The following ZNF730 variants were observed in gnomAD, a reference collection of about 807,000 sequenced individuals.
The protein encoded by ZNF730 is zinc finger protein 730.
In ZNF730, 12 loss-of-function variants were observed where a neutral mutation model predicts 12.6. The observed-to-expected ratio is 0.95, with a 90% CI of 0.61 to 1.54. The LOEUF (loss-of-function observed/expected upper bound fraction) is 1.54. Ranked by LOEUF, ZNF730 falls within the 40% of genes most tolerant of loss-of-function variation. ZNF730 has a pLI of 0.00. For missense variants in ZNF730, 643 were observed against 583.5 expected, an observed-to-expected ratio of 1.10 and a Z score of -1.05; for synonymous variants, 194 against 195.8, an observed-to-expected ratio of 0.99 and a Z score of 0.08.
At chr19:23,088,926 G>A (rs1970110488) in intron 1 of ZNF730, among the ~76,000 whole-genome samples, 1 of 152,114 alleles carries the variant, frequency 6.6e-6, no homozygotes. Flanking sequence ...AGGCTGGAGT[G>A]CAGTGGTGCG....
At chr19:23,084,018 T>G (rs1355056632) in intron 1 of ZNF730, among the ~76,000 whole-genome samples, 1 of 152,214 alleles carries the variant, frequency 6.6e-6, no homozygotes, top group Non-Finnish European at 1.5e-5. Context: ...AAAACATTTT[T>G]TCTATGTTTC....
chr19:23,082,348 GA>G (rs1969979266), intron 1 of ZNF730, among the ~76,000 whole-genome samples: 1 of 148,172 alleles, frequency 6.7e-6, no homozygotes, highest in African/African-American at 2.5e-5. Context: ...GCAAATAGCA[GA>G]ATTTTTTTTT....
At chr19:23,132,722 T>C (rs931773743) in intron 1 of ZNF730, among the ~76,000 whole-genome samples, 1 of 152,196 alleles carries the variant, frequency 6.6e-6, no homozygotes, top group African/African-American at 2.4e-5. Context: ...CCATCAGCTC[T>C]ATGTAGAGAA....
intron 1 of ZNF730, among the ~76,000 whole-genome samples, chr19:23,121,310 A>C (rs902880862): frequency 6.6e-6 from 1 of 151,014 alleles, no homozygotes; most frequent in Non-Finnish European, 1.5e-5. Flanking sequence ...GTCAGAATCT[A>C]AATCTCTTCA....
intron 1 of ZNF730, among the ~76,000 whole-genome samples, chr19:23,097,714 C>T (rs567174625): frequency 6.6e-6 from 1 of 152,294 alleles, no homozygotes; most frequent in Non-Finnish European, 1.5e-5. Flanking sequence ...TCTTCTTTTG[C>T]CTGGGCCCTT....
intron 3 of ZNF730, among the ~76,000 whole-genome samples, chr19:23,137,817 G>A (rs1036372032): frequency 6.6e-6 from 1 of 152,050 alleles, no homozygotes; most frequent in African/African-American, 2.4e-5. Flanking sequence ...GGTCTTCACT[G>A]GGGTCCAACT....
At chr19:23,119,270 C>T (rs1392491528) in intron 1 of ZNF730, among the ~76,000 whole-genome samples, 1 of 152,152 alleles carries the variant, frequency 6.6e-6, no homozygotes, top group African/African-American at 2.4e-5. Context: ...TTATTGAAAA[C>T]TTTTTCTGTA....
intron 3 of ZNF730, 64 bp from the exon 4 acceptor site, chr19:23,145,207 G>T: frequency 9.8e-6 from 11 of 1,125,730 alleles, no homozygotes; most frequent in Non-Finnish European, 1.3e-5. Context: ...AACTTTATAG[G>T]TTAGGTTTAT....
chr19:23,124,525 T>C (rs1423570100), intron 1 of ZNF730, among the ~76,000 whole-genome samples: 1 of 152,208 alleles, frequency 6.6e-6, no homozygotes, highest in Non-Finnish European at 1.5e-5. Context: ...TGGCTTATCA[T>C]TGGGCAATCA....
chr19:23,116,573 C>CTTTT (rs5827552), upstream of ZNF730, among the ~76,000 whole-genome samples: 25 of 86,892 alleles, frequency 2.9e-4, no homozygotes, highest in African/African-American at 6.3e-4. Context: ...CTCCCAGCTA[C>CTTTT]TTTTTTTTTT....
At chr19:23,096,290 A>G (rs1275742747) in intron 1 of ZNF730, among the ~76,000 whole-genome samples, 1 of 152,112 alleles carries the variant, frequency 6.6e-6, no homozygotes, top group Non-Finnish European at 1.5e-5. Flanking sequence ...ATACCACTCT[A>G]TCAAGAACCT....
Position 23,146,709 on chromosome 19 carries a change from T to G in ZNF730, c.*153T>G. 7.1e-7 allele frequency: 1 copy of G among 1,406,538 alleles called. No individual in the cohort carries two copies. Among genetic ancestry groups the G allele is most frequent in the South Asian group, 1.2e-5 (1 of 86,474 alleles). The allele number at this position is 1,406,538 out of a possible 1,614,324, so 87.1% of individuals were successfully genotyped here. ...TTACTAAACATAAGGTAATTCATAC[T>G]GGAGAAAAACCTACAAATGTGAAGA... On this transcript the variant is annotated 3_prime_UTR_variant, in exon 4 of 4. Transcript: ENST00000597761.
At chr19:23,102,982 C>G (rs1219782514) in intron 1 of ZNF730, among the ~76,000 whole-genome samples, 1 of 152,146 alleles carries the variant, frequency 6.6e-6, no homozygotes, top group Non-Finnish European at 1.5e-5. Context: ...GCGTTCAGAA[C>G]ACAGGTGAGA....
chr19:23,076,013 G>A (rs1599559162), intron 1 of ZNF730, among the ~76,000 whole-genome samples: 1 of 151,962 alleles, frequency 6.6e-6, no homozygotes, highest in Admixed American at 6.6e-5. Context: ...CTCCACAGAG[G>A]ACTCGTTTTC....
chr19:23,128,733 G>T (rs1359914223), intron 1 of ZNF730, among the ~76,000 whole-genome samples: 1 of 152,196 alleles, frequency 6.6e-6, no homozygotes, highest in Non-Finnish European at 1.5e-5. Context: ...CAATGCAATA[G>T]AATAGAAAAC....
chr19:23,125,015 A>G (rs1970644760), intron 1 of ZNF730, among the ~76,000 whole-genome samples: 1 of 152,166 alleles, frequency 6.6e-6, no homozygotes. Context: ...TGTTCTCATG[A>G]TAGTGAATGA....
intron 1 of ZNF730, among the ~76,000 whole-genome samples, chr19:23,105,417 C>T (rs1970382228): frequency 6.6e-6 from 1 of 151,912 alleles, no homozygotes; most frequent in Non-Finnish European, 1.5e-5. Context: ...CTGGCCAGAA[C>T]CCAATATTTT....
chr19:23,108,600 G>A (rs181439591), intron 1 of ZNF730, among the ~76,000 whole-genome samples: 2 of 152,094 alleles, frequency 1.3e-5, no homozygotes, highest in Non-Finnish European at 2.9e-5. Context: ...TTTAATTCAA[G>A]GTAAGAGATT....
chr19:23,120,398 A>C (rs891058971), intron 1 of ZNF730, among the ~76,000 whole-genome samples: 1 of 151,396 alleles, frequency 6.6e-6, no homozygotes, highest in African/African-American at 2.4e-5. Context: ...TTGTTCAGTT[A>C]TGGGAAGATG....
Sources: gnomAD v4.1 joint callset for allele counts (sites outside exome capture counted in the v4.1 genomes callset) on GRCh38, gnomAD v4.1.1 for gene constraint, MANE v1.5 for transcripts, NCBI Gene and HGNC (gene_info 2026-07-23, HGNC 2026-07-21) for gene names.